CERKL: variants seen among roughly 807,000 people sequenced by gnomAD.
CERKL encodes ceramide kinase-like protein.
Under a neutral mutation model 63.4 loss-of-function variants are expected in CERKL, and 61 were observed. The ratio of observed to expected loss-of-function variants is 0.96; its 90% CI spans 0.78 to 1.19. The LOEUF (loss-of-function observed/expected upper bound fraction) is 1.19. CERKL is among the 50% of genes most tolerant of loss of function. The pLI, the probability that CERKL is intolerant of heterozygous loss-of-function variation, is 0.00. For synonymous variants in CERKL, 250 were observed against 230.5 expected (o/e 1.08, Z -0.77); for missense variants, 675 against 655.5 (o/e 1.03, Z -0.33).
chr2:181,650,214 A>C (rs895305095), intron 1 of CERKL: 5 of 152,140 alleles, frequency 3.3e-5, no homozygotes, highest in African/African-American at 1.2e-4. Flanking sequence ...CAATGAGAAA[A>C]ACTGACAACT....
chr2:181,545,510 AT>A (rs1466241471), intron 10 of CERKL, among the ~76,000 whole-genome samples: 1 of 152,220 alleles, frequency 6.6e-6, no homozygotes, highest in Admixed American at 6.5e-5. Flanking sequence ...CATGAAGTTA[AT>A]TTAAGAATAA....
chr2:181,648,390 C>A (rs897856010), intron 1 of CERKL, among the ~76,000 whole-genome samples: 34 of 151,504 alleles, frequency 2.2e-4, no homozygotes, highest in African/African-American at 6.3e-4. Flanking sequence ...ATAATTTATT[C>A]AAGATGCTAA....
Position 181,609,533 on chromosome 2 carries a change from T to TAAAAAA in CERKL, c.239-5460_239-5455dup, listed in dbSNP as rs869037405. On this transcript the variant is annotated intron_variant, in intron 1 of 12. Coordinates refer to ENST00000410087, the MANE Select transcript of CERKL (RefSeq NM_201548.5). ...CACCATGGTGAAACCCTGTCTCTAC[T>TAAAAAA]AAAAAAAAAAAAAAAAAAAAAAATT... Among the ~76,000 whole-genome samples the TAAAAAA allele has an allele frequency of 6.8e-4, 48 of 70,228 alleles. 5 individuals are homozygous for TAAAAAA. In the East Asian group the frequency reaches 0.013, roughly 19 times the overall value. The allele number at this position is 70,228 out of a possible 152,430, so 46.1% of individuals were successfully genotyped here.
At chr2:181,621,259 G>GA (rs1310556225) in intron 1 of CERKL, among the ~76,000 whole-genome samples, 5 of 151,980 alleles carry the variant, frequency 3.3e-5, no homozygotes, top group African/African-American at 7.2e-5. Context: ...AAAATGTAAG[G>GA]AAAAAAATTA....
chr2:181,608,345 G>A (rs1685808826), intron 1 of CERKL, among the ~76,000 whole-genome samples: 1 of 146,218 alleles, frequency 6.8e-6, no homozygotes, highest in South Asian at 2.2e-4. Flanking sequence ...TTATGGTCTT[G>A]TATCACATAT....
chr2:181,631,449 A>G (rs973226313), intron 1 of CERKL, among the ~76,000 whole-genome samples: 1 of 152,186 alleles, frequency 6.6e-6, no homozygotes, highest in African/African-American at 2.4e-5. Flanking sequence ...CCAGAGGCCA[A>G]CTAGAAAAAT....
intron 11 of CERKL, among the ~76,000 whole-genome samples, chr2:181,544,254 C>T (rs1687631181): frequency 6.6e-6 from 1 of 152,122 alleles, no homozygotes; most frequent in Admixed American, 6.5e-5. Flanking sequence ...TTTTTAAATA[C>T]ATATCTACAG....
At chr2:181,559,927 C>T (rs1688366517) in intron 4 of CERKL, among the ~76,000 whole-genome samples, 1 of 152,106 alleles carries the variant, frequency 6.6e-6, no homozygotes, top group Non-Finnish European at 1.5e-5. Flanking sequence ...AAGATATGAC[C>T]CAGGTCATGT....
chr2:181,631,289 A>G (rs1034227067), intron 1 of CERKL, among the ~76,000 whole-genome samples: 8 of 152,258 alleles, frequency 5.3e-5, no homozygotes, highest in South Asian at 4.2e-4. Context: ...CTGGTTCTTT[A>G]AAAGTCTTGT....
intron 2 of CERKL, among the ~76,000 whole-genome samples, chr2:181,584,835 T>G (rs1684691887): frequency 6.6e-6 from 1 of 151,946 alleles, no homozygotes; most frequent in Non-Finnish European, 1.5e-5. Context: ...GTTTTTGTTT[T>G]TGTTTTTTTC....
At position 181,538,121 on chromosome 2, in the gene CERKL, C is replaced by T. The variant is rs746304346; in HGVS notation, c.*63G>A. 8.7e-7 allele frequency: 1 copy of T among 1,153,628 alleles called. No homozygotes were observed. The highest frequency in any genetic ancestry group is 2.4e-5 in the East Asian group (1 of 42,416). 71.5% of individuals were successfully genotyped at this position (1,153,628 alleles called of 1,614,324 possible). The stretch of plus-strand genomic sequence containing the variant: ...AAGGGTGGGGACCACAGGTTTAAAG[C>T]ATGGCCACATTTCTTTATATTAAAA... On this transcript the variant is annotated 3_prime_UTR_variant, in exon 13 of 13. Coordinates refer to ENST00000410087, the MANE Select transcript of CERKL (RefSeq NM_201548.5).
In CERKL at chr2:181,657,052, T is replaced by C; in HGVS notation, c.-46A>G. ...CCGAGCCAGGGGTCCGGGGAGGCCT[T>C]TGGAGAAGGAGGTGGAGGGCGCGGC... On this transcript the variant is annotated 5_prime_UTR_variant, in exon 1 of 13. Transcript: ENST00000410087. 6.6e-7 allele frequency: 1 copy of C among 1,517,040 alleles called. No individual in the cohort carries two copies. The highest frequency in any genetic ancestry group is 8.9e-7 in the Non-Finnish European group (1 of 1,119,894). The allele number at this position is 1,517,040 out of a possible 1,614,324, so 94.0% of individuals were successfully genotyped here.
intron 1 of CERKL, among the ~76,000 whole-genome samples, chr2:181,628,496 A>G (rs935593214): frequency 4.6e-5 from 7 of 152,132 alleles, no homozygotes; most frequent in Admixed American, 6.6e-5. Flanking sequence ...GAAATGCTCT[A>G]TTTTCAGTGG....
intron 3 of CERKL, among the ~76,000 whole-genome samples, chr2:181,570,229 G>A (rs987093366): frequency 1.1e-4 from 17 of 152,214 alleles, no homozygotes; most frequent in Non-Finnish European, 1.6e-4. Context: ...CAGTAACAAC[G>A]TACTCTGCCT....
chr2:181,551,720 G>A (rs1282504085), intron 5 of CERKL, among the ~76,000 whole-genome samples: 1 of 152,074 alleles, frequency 6.6e-6, no homozygotes, highest in East Asian at 1.9e-4. Flanking sequence ...TATCTGGGGG[G>A]TGGGACCCAA....
At chr2:181,572,901 T>A (rs1169734089) in intron 3 of CERKL, among the ~76,000 whole-genome samples, 1 of 151,268 alleles carries the variant, frequency 6.6e-6, no homozygotes, top group Non-Finnish European at 1.5e-5. Flanking sequence ...TAAAGCCACA[T>A]CACTGTGAAT....
chr2:181,575,774 G>A (rs1215735444), intron 2 of CERKL, among the ~76,000 whole-genome samples: 1 of 152,086 alleles, frequency 6.6e-6, no homozygotes, highest in East Asian at 1.9e-4. Context: ...CTGTATTATT[G>A]CCAAATTCCT....
At chr2:181,646,185 G>A (rs569992003) in intron 1 of CERKL, among the ~76,000 whole-genome samples, 63 of 152,274 alleles carry the variant, frequency 4.1e-4, no homozygotes, top group Middle Eastern at 6.8e-3. Flanking sequence ...AGGATTGGTG[G>A]GTGTTTAGAA....
intron 6 of CERKL, 149 bp from the exon 7 acceptor site, chr2:181,549,006 T>C: frequency 1.4e-6 from 1 of 690,100 alleles, no homozygotes; most frequent in South Asian, 1.8e-5. Context: ...CAGTTCCCTT[T>C]ACCTATAACT....
Sources: allele counts gnomAD v4.1 joint callset (sites outside exome capture counted in the v4.1 genomes callset), GRCh38; gene constraint gnomAD v4.1.1; transcripts MANE v1.5; gene names NCBI Gene and HGNC (gene_info 2026-07-23, HGNC 2026-07-21).